Variants in SNX29 observed in about 807,000 individuals in gnomAD.
SNX29 encodes the protein sorting nexin 29.
Under a neutral mutation model 102.1 loss-of-function variants are expected in SNX29, and 78 were observed. The observed-to-expected ratio is 0.76, with a 90% CI of 0.64 to 0.92. SNX29 has a LOEUF of 0.92. Among genes scored for constraint, SNX29 ranks in the 40% least tolerant of loss-of-function variants. The pLI is 0.00. For missense variants in SNX29, 1,280 were observed against 1,061.7 expected (o/e 1.21, Z -2.86); for synonymous variants, 580 against 414.5 (o/e 1.40, Z -4.85).
chr16:12,397,735 A>C (rs1455897970), intron 16 of SNX29, among the ~76,000 whole-genome samples: 3 of 152,172 alleles, frequency 2.0e-5, no homozygotes, highest in Non-Finnish European at 2.9e-5. Context: ...AATAATTGCA[A>C]TACTTGTGAC....
chr16:12,320,861 G>A (rs1013513890), intron 15 of SNX29, among the ~76,000 whole-genome samples: 3 of 152,172 alleles, frequency 2.0e-5, no homozygotes, highest in Non-Finnish European at 4.4e-5. Flanking sequence ...GCAAATCTGG[G>A]ACCTGAGGTT....
intron 15 of SNX29, among the ~76,000 whole-genome samples, chr16:12,287,024 G>A (rs551272917): frequency 1.3e-5 from 2 of 152,228 alleles, no homozygotes; most frequent in East Asian, 3.9e-4. Flanking sequence ...CGTCTTTTAG[G>A]GGGCCCCTGG....
chr16:12,053,594 A>G (rs1407989787), intron 8 of SNX29, among the ~76,000 whole-genome samples: 1 of 151,880 alleles, frequency 6.6e-6, no homozygotes, highest in Non-Finnish European at 1.5e-5. Flanking sequence ...CCTAAATCTT[A>G]TGGTATTGTT....
intron 19 of SNX29, among the ~76,000 whole-genome samples, chr16:12,479,189 G>T (rs1367966733): frequency 6.6e-6 from 1 of 152,222 alleles, no homozygotes; most frequent in East Asian, 1.9e-4. Flanking sequence ...AGCCCTCTAG[G>T]TGATGCTGTT....
At chr16:12,078,401 G>T (rs1161779632) in intron 10 of SNX29, among the ~76,000 whole-genome samples, 1 of 152,150 alleles carries the variant, frequency 6.6e-6, no homozygotes, top group Non-Finnish European at 1.5e-5. Context: ...CTTGAACCCA[G>T]GAGGTGGAGG....
chr16:12,343,711 AGGGCAG>A (rs141948500), intron 15 of SNX29, among the ~76,000 whole-genome samples: 10,489 of 151,466 alleles, frequency 0.069, 1,116 homozygotes, highest in African/African-American at 0.23. Context: ...GAGCTCTGTG[AGGGCAG>A]GGGCAGGGGC....
intron 11 of SNX29, among the ~76,000 whole-genome samples, chr16:12,105,111 G>C (rs974654442): frequency 6.6e-6 from 1 of 152,200 alleles, no homozygotes; most frequent in African/African-American, 2.4e-5. Context: ...AGGCAACACC[G>C]TGAGCAGTTT....
chr16:12,483,303 C>T (rs181734408), intron 19 of SNX29, among the ~76,000 whole-genome samples: 1 of 142,852 alleles, frequency 7.0e-6, no homozygotes, highest in African/African-American at 2.6e-5. Context: ...GCCACTGCAC[C>T]TGGCCATTTA....
chr16:12,064,794 C>G (rs982174058), intron 9 of SNX29, among the ~76,000 whole-genome samples: 16 of 152,246 alleles, frequency 1.1e-4, no homozygotes, highest in African/African-American at 3.6e-4. Context: ...CACCATTTCT[C>G]CTGAGACTCC....
At chr16:12,145,438 C>A (rs1404733224) in intron 13 of SNX29, among the ~76,000 whole-genome samples, 1 of 151,824 alleles carries the variant, frequency 6.6e-6, no homozygotes, top group African/African-American at 2.4e-5. Context: ...TTTTTTTTCC[C>A]TGTTCATAAA....
chr16:12,564,506 G>A (rs371063493), intron 20 of SNX29, among the ~76,000 whole-genome samples: 2 of 152,178 alleles, frequency 1.3e-5, no homozygotes. Flanking sequence ...TTAACAGAAG[G>A]AACTCAAGTT....
chr16:12,053,427 GTT>G (rs2050390115), intron 8 of SNX29: 1 of 152,108 alleles, frequency 6.6e-6, no homozygotes, highest in Non-Finnish European at 1.5e-5. Context: ...AGGTGCAGTG[GTT>G]CATGCCTGTA....
intron 15 of SNX29, among the ~76,000 whole-genome samples, chr16:12,316,204 G>A (rs1243254134): frequency 3.3e-5 from 5 of 152,170 alleles, no homozygotes; most frequent in Admixed American, 6.5e-5. Flanking sequence ...CCAGTGGGGC[G>A]GGAAGAATTT....
chr16:12,186,979 C>T (rs709419), intron 13 of SNX29, among the ~76,000 whole-genome samples: 2 of 152,084 alleles, frequency 1.3e-5, no homozygotes, highest in Non-Finnish European at 2.9e-5. Flanking sequence ...TGGCTCACAG[C>T]TGTGTTTTGT....
intron 4 of SNX29, among the ~76,000 whole-genome samples, chr16:12,030,724 G>A (rs1382243425): frequency 6.6e-6 from 1 of 152,106 alleles, no homozygotes; most frequent in African/African-American, 2.4e-5. Context: ...GCTCTTCTGT[G>A]GGTCTCTTGT....
chr16:11,979,275 C>CAAAAAAAAAA (rs71139569), intron 1 of SNX29, among the ~76,000 whole-genome samples: 1 of 62,002 alleles, frequency 1.6e-5, no homozygotes, highest in African/African-American at 7.5e-5. Context: ...ACTCAGTCTC[C>CAAAAAAAAAA]AAAAAAAAAA....
chr16:12,550,151 G>A (rs7198031), intron 20 of SNX29, among the ~76,000 whole-genome samples: 84,029 of 152,146 alleles, frequency 0.55, 27,497 homozygotes, highest in East Asian at 0.99. Context: ...CTTCCATACC[G>A]CATGTAGTGA....
chr16:12,472,601 G>A (rs1186847157), intron 18 of SNX29, among the ~76,000 whole-genome samples: 1 of 151,714 alleles, frequency 6.6e-6, no homozygotes, highest in Non-Finnish European at 1.5e-5. Context: ...TAGCATTGCG[G>A]GAGAGCACTA....
intron 18 of SNX29, among the ~76,000 whole-genome samples, chr16:12,428,667 C>G (rs142277389): frequency 1.3e-5 from 2 of 152,106 alleles, no homozygotes; most frequent in Non-Finnish European, 2.9e-5. Context: ...CAATTAATAT[C>G]TCCTTCTAGT....
Sources: gnomAD v4.1 joint callset for allele counts (sites outside exome capture counted in the v4.1 genomes callset) on GRCh38, gnomAD v4.1.1 for gene constraint, MANE v1.5 for transcripts, NCBI Gene and HGNC (gene_info 2026-07-23, HGNC 2026-07-21) for gene names.